The following SETX variants were observed in gnomAD, a reference collection of about 807,000 sequenced individuals.
SETX encodes senataxin.
In SETX, 90 loss-of-function variants were observed where a neutral mutation model predicts 227.2. The ratio of observed to expected loss-of-function variants is 0.40; its 90% CI spans 0.33 to 0.47. The LOEUF (loss-of-function observed/expected upper bound fraction) is 0.47. Among genes scored for constraint, SETX ranks in the 20% least tolerant of loss-of-function variants. The pLI, the probability that SETX is intolerant of heterozygous loss-of-function variation, is 0.91. For synonymous variants in SETX, 1,210 were observed against 1,113.2 expected (o/e 1.09, Z -1.73); for missense variants, 3,052 against 3,181.5 (o/e 0.96, Z 0.98).
chr9:132,270,218 G>T (rs1842836760), intron 24 of SETX, among the ~76,000 whole-genome samples: 2 of 150,458 alleles, frequency 1.3e-5, no homozygotes, highest in African/African-American at 4.9e-5. Flanking sequence ...GACACAGGTG[G>T]ACTCTACAAT....
intron 10 of SETX, among the ~76,000 whole-genome samples, chr9:132,323,923 A>G (rs1165927101): frequency 6.6e-6 from 1 of 152,092 alleles, no homozygotes; most frequent in Non-Finnish European, 1.5e-5. Flanking sequence ...AAAAAAAAAG[A>G]TAAAAATGGA....
rs747708750 is a variant in SETX, at chr9:132,294,097, G to A, written c.6106+1775C>T. Among the ~76,000 whole-genome samples the A allele has an allele frequency of 8.1e-4, 123 of 151,986 alleles. 1 individual carries two copies. The highest frequency in any genetic ancestry group is 1.3e-3 in the African/African-American group (52 of 41,240). On this transcript the variant is annotated intron_variant, in intron 15 of 25. Transcript: ENST00000224140. Reference sequence around the variant, plus strand: ...GCCTCACCTTAGTCCTGGCCCGGCTGTGCAGTCAACATACACCTGAAAAGC... The same window carrying A: ...GCCTCACCTTAGTCCTGGCCCGGCTATGCAGTCAACATACACCTGAAAAGC...
At chr9:132,284,088 A>G (rs1843692233) in intron 18 of SETX, among the ~76,000 whole-genome samples, 1 of 152,224 alleles carries the variant, frequency 6.6e-6, no homozygotes, top group Admixed American at 6.5e-5. Context: ...CATACGATAT[A>G]TTCAACCATG....
At chr9:132,348,796 C>A (rs1234117415) in intron 3 of SETX, among the ~76,000 whole-genome samples, 1 of 152,028 alleles carries the variant, frequency 6.6e-6, no homozygotes, top group African/African-American at 2.4e-5. Flanking sequence ...AGCATGGTGG[C>A]ACATGCCTGT....
chr9:132,277,102 A>C lies in SETX; in HGVS notation c.6893T>G (p.Leu2298Arg). ...CSSDWPFQPY[L>R]VFDVGDGSER... ...TGAACCATCTCCAACATCAAACACA[A>C]GGTATGGCTGAAATGGCCAATCTGA... Residue 2298 changes from leucine to arginine, a missense_variant, in exon 22 of 26, where the codon CTT becomes CGT. Coordinates refer to ENST00000224140, the MANE Select transcript of SETX (RefSeq NM_015046.7). The C allele has an allele frequency of 6.2e-7, 1 of 1,613,970 alleles. No homozygotes were observed. Among genetic ancestry groups the C allele is most frequent in the Non-Finnish European group, 8.5e-7 (1 of 1,179,994 alleles).
At chr9:132,319,316 C>T (rs892787908) in intron 10 of SETX, among the ~76,000 whole-genome samples, 2 of 152,198 alleles carry the variant, frequency 1.3e-5, no homozygotes, top group Non-Finnish European at 2.9e-5. Flanking sequence ...CTAAAGATTA[C>T]TCTCCACAGC....
intron 13 of SETX, 135 bp downstream of exon 13, chr9:132,297,945 T>C (rs1054914846): frequency 2.7e-5 from 20 of 754,530 alleles, no homozygotes; most frequent in African/African-American, 2.4e-4. Context: ...TTTGCAATAC[T>C]AAAGAAAACT....
chr9:132,295,093 T>C (rs565184960), intron 15 of SETX, among the ~76,000 whole-genome samples: 8 of 152,342 alleles, frequency 5.3e-5, no homozygotes, highest in African/African-American at 1.7e-4. Context: ...ACACAAGTGA[T>C]ATGAAAAATA....
chr9:132,291,553 T>G (rs1292551725), intron 15 of SETX, among the ~76,000 whole-genome samples: 1 of 152,138 alleles, frequency 6.6e-6, no homozygotes, highest in Non-Finnish European at 1.5e-5. Flanking sequence ...CCAGAAATGT[T>G]CCGCAAATTA....
chr9:132,310,118 G>C (rs1845567595), intron 11 of SETX, among the ~76,000 whole-genome samples: 1 of 152,072 alleles, frequency 6.6e-6, no homozygotes, highest in African/African-American at 2.4e-5. Context: ...GCCTTGAACA[G>C]GCACTTTCCA....
At chr9:132,265,314 C>T (rs1842591335) in intron 25 of SETX, among the ~76,000 whole-genome samples, 1 of 150,956 alleles carries the variant, frequency 6.6e-6, no homozygotes, top group South Asian at 2.1e-4. Flanking sequence ...CAACCTCCAC[C>T]TCCCGGGTTC....
chr9:132,269,795 C>T (rs1231320432), intron 24 of SETX, 93 bp from the exon 25 acceptor site: 44 of 1,255,250 alleles, frequency 3.5e-5, no homozygotes, highest in Middle Eastern at 4.0e-4. Flanking sequence ...TCAACGTGCC[C>T]GTGTCTGACA....
chr9:132,329,561 T>C lies in SETX; in HGVS notation c.2037A>G (p.Leu679=), dbSNP rs1432462823. ...ATGACCCAGCTAAGAGATGGTCCTC[T>C]AGTTTCACATCCTTTATATAATTTT... ...NEQNYIKDVK[L]EDHLLAGSCL... is the part of the protein sequence containing the mutation. Residue 679 remains leucine (L), a synonymous_variant, in exon 10 of 26, where the codon CTA becomes CTG. Transcript: ENST00000224140. The C allele has an allele frequency of 6.2e-6, 10 of 1,613,480 alleles. No individual in the cohort carries two copies. In the Middle Eastern group the frequency reaches 4.9e-4, roughly 80 times the overall value.
intron 18 of SETX, 38 bp downstream of exon 18, chr9:132,286,385 A>C (rs1437475899): frequency 6.7e-7 from 1 of 1,497,626 alleles, no homozygotes; most frequent in African/African-American, 1.4e-5. Flanking sequence ...AAAAGAAAAA[A>C]AAAAAAATCA....
intron 24 of SETX, among the ~76,000 whole-genome samples, chr9:132,271,330 A>C (rs1842893494): frequency 1.3e-5 from 2 of 152,206 alleles, no homozygotes; most frequent in African/African-American, 4.8e-5. Flanking sequence ...TTGGGAGGCC[A>C]AAGTGGGTGG....
intron 5 of SETX, among the ~76,000 whole-genome samples, chr9:132,342,021 C>G (rs1457472503): frequency 6.6e-6 from 1 of 152,118 alleles, no homozygotes; most frequent in African/African-American, 2.4e-5. Flanking sequence ...TCTTGACTGG[C>G]AATCCCATTA....
chr9:132,331,206 G>T, intron 8 of SETX, 67 bp from the exon 9 acceptor site: 1 of 1,605,590 alleles, frequency 6.2e-7, no homozygotes, highest in Non-Finnish European at 8.5e-7. Context: ...AACACCTCTT[G>T]TTAAGTAATC....
chr9:132,269,005 A>G (rs1394144598), intron 25 of SETX, among the ~76,000 whole-genome samples: 1 of 152,248 alleles, frequency 6.6e-6, no homozygotes, highest in Non-Finnish European at 1.5e-5. Context: ...AAAAAGAGAA[A>G]TGAGGAAAAC....
intron 4 of SETX, among the ~76,000 whole-genome samples, chr9:132,344,371 A>T (rs1474508201): frequency 1.3e-5 from 2 of 152,060 alleles, no homozygotes; most frequent in Non-Finnish European, 2.9e-5. Flanking sequence ...ATGCCACTAT[A>T]TCCAGTTAAA....
Sources: gnomAD v4.1 joint callset for allele counts (sites outside exome capture counted in the v4.1 genomes callset) on GRCh38, gnomAD v4.1.1 for gene constraint, MANE v1.5 for transcripts, NCBI Gene and HGNC (gene_info 2026-07-23, HGNC 2026-07-21) for gene names.